Variants in FGGY observed in about 807,000 individuals in gnomAD.
FGGY encodes FGGY carbohydrate kinase domain-containing protein.
A neutral mutation model predicts 71.3 loss-of-function variants in FGGY; 72 were observed. The ratio of observed to expected loss-of-function variants is 1.01; its 90% CI spans 0.84 to 1.23. The LOEUF (loss-of-function observed/expected upper bound fraction) is 1.23, where lower values mean the gene tolerates loss of function less well. Among genes scored for constraint, FGGY ranks in the 50% most tolerant of loss-of-function variants. The pLI, the probability that FGGY is intolerant of heterozygous loss-of-function variation, is 0.00. For missense variants in FGGY, 668 were observed against 682.3 expected, an observed-to-expected ratio of 0.98 and a Z score of 0.23; for synonymous variants, 251 against 250.3, an observed-to-expected ratio of 1.00 and a Z score of -0.02.
At chr1:59,643,643 C>G (rs1176915938) in intron 11 of FGGY, among the ~76,000 whole-genome samples, 2 of 152,096 alleles carry the variant, frequency 1.3e-5, no homozygotes, top group African/African-American at 2.4e-5. Context: ...AGAATTAAAA[C>G]CTACATTGAA....
At position 59,650,360 on chromosome 1, in the gene FGGY, G is replaced by T. The variant is rs1316747645; in HGVS notation, c.1222-9859G>T. Among the ~76,000 whole-genome samples, 3 of 128,210 alleles carry T rather than the reference G, an allele frequency of 2.3e-5. 1 individual carries two copies. Among genetic ancestry groups the T allele is most frequent in the African/African-American group, 7.5e-5 (2 of 26,692 alleles). The allele number at this position is 128,210 out of a possible 152,430, so 84.1% of individuals were successfully genotyped here. A position where few individuals can be genotyped will look rare whatever the true frequency, so the allele number is the denominator to read the frequency against. On this transcript the variant is annotated intron_variant, in intron 11 of 15. Transcript: ENST00000303721. ...CTCTTTGTACCTCTGGTAGAATTTGGCTGTGAATCCGTCTGGTCCTGGACT... is the reference window on the plus strand; with the variant it reads ...CTCTTTGTACCTCTGGTAGAATTTGTCTGTGAATCCGTCTGGTCCTGGACT...
chr1:59,704,897 G>A (rs1260978064), intron 14 of FGGY, among the ~76,000 whole-genome samples: 1 of 152,142 alleles, frequency 6.6e-6, no homozygotes, highest in Admixed American at 6.5e-5. Context: ...TCGTATTCCT[G>A]CCAATGATGT....
At chr1:59,677,915 C>G (rs1222132081) in intron 14 of FGGY, among the ~76,000 whole-genome samples, 3 of 144,624 alleles carry the variant, frequency 2.1e-5, no homozygotes, top group African/African-American at 7.3e-5. Flanking sequence ...CATCTAAAGT[C>G]TTCTTACTAT....
At chr1:59,724,795 T>C (rs2097927609) in intron 14 of FGGY, among the ~76,000 whole-genome samples, 1 of 152,224 alleles carries the variant, frequency 6.6e-6, no homozygotes. Context: ...AATCACATGT[T>C]CATATATTTT....
At chr1:59,616,245 A>G (rs557478601) in intron 9 of FGGY, among the ~76,000 whole-genome samples, 1 of 152,240 alleles carries the variant, frequency 6.6e-6, no homozygotes, top group East Asian at 1.9e-4. Context: ...CAAACATCCA[A>G]CAATGATAGA....
intron 6 of FGGY, among the ~76,000 whole-genome samples, chr1:59,483,063 C>A (rs1044142302): frequency 6.6e-6 from 1 of 152,092 alleles, no homozygotes; most frequent in Non-Finnish European, 1.5e-5. Context: ...TGGTGGTTCC[C>A]AGCCACACTT....
In FGGY at chr1:59,369,109, G is replaced by T. The variant is rs1283688389; in HGVS notation, c.466-9640G>T. 4.6e-5 allele frequency among the ~76,000 whole-genome samples: 7 copies of T among 152,340 alleles called. No homozygotes were observed. The East Asian group carries it at 9.7e-4, about 21-fold the overall frequency. The stretch of plus-strand genomic sequence containing the variant: ...TGTGCGCAAGCCGAAGCAGGGCGAG[G>T]CATTGCCTCACTCGGAAAGCGCAAG... On this transcript the variant is annotated intron_variant, in intron 4 of 15. Coordinates refer to ENST00000303721, the MANE Select transcript of FGGY (RefSeq NM_018291.5).
In FGGY at chr1:59,584,466, A is replaced by G. The variant is rs192854540; in HGVS notation, c.904-23337A>G. 1.4e-3 allele frequency among the ~76,000 whole-genome samples: 211 copies of G among 150,210 alleles called. 18 individuals carry two copies. Among genetic ancestry groups the G allele is most frequent in the African/African-American group, 5.1e-3 (203 of 39,870 alleles). ...CAGAAAAGGCCTTTGACAAAATTCA[A>G]CAACGCTTCATGCTAAAAACTCTCA... On this transcript the variant is annotated intron_variant, in intron 8 of 15. Coordinates refer to ENST00000303721, the MANE Select transcript of FGGY (RefSeq NM_018291.5).
intron 8 of FGGY, among the ~76,000 whole-genome samples, chr1:59,578,337 C>A (rs2096121901): frequency 6.6e-6 from 1 of 152,022 alleles, no homozygotes; most frequent in Non-Finnish European, 1.5e-5. Flanking sequence ...AGGCACCACA[C>A]CCTGAGGACA....
Position 59,544,300 on chromosome 1 carries a change from T to C in FGGY, c.800-9824T>C, listed in dbSNP as rs1244449951. ...AAGAGTAGACAGACATGGAAAAATA[T>C]GATAGGGCAAGAAGGGCATGATTTA... On this transcript the variant is annotated intron_variant, in intron 7 of 15. Coordinates refer to ENST00000303721, the MANE Select transcript of FGGY (RefSeq NM_018291.5). Among the ~76,000 whole-genome samples the C allele has an allele frequency of 2.0e-5, 3 of 152,138 alleles. No individual in the cohort carries two copies. In the East Asian group the frequency reaches 5.8e-4, roughly 29 times the overall value.
chr1:59,473,878 C>G (rs186471653), intron 6 of FGGY, among the ~76,000 whole-genome samples: 2 of 152,132 alleles, frequency 1.3e-5, no homozygotes, highest in Admixed American at 1.3e-4. Context: ...AGGTGGCAAG[C>G]CCATTTCTTT....
intron 6 of FGGY, among the ~76,000 whole-genome samples, chr1:59,490,955 T>G (rs1019014313): frequency 1.3e-5 from 2 of 151,310 alleles, no homozygotes; most frequent in Non-Finnish European, 2.9e-5. Flanking sequence ...CTTTGAAGTC[T>G]GAAAATGTGA....
intron 9 of FGGY, among the ~76,000 whole-genome samples, chr1:59,610,130 T>C (rs2096660469): frequency 1.3e-5 from 2 of 152,218 alleles, no homozygotes; most frequent in South Asian, 2.1e-4. Context: ...GTTTGTTACA[T>C]AGGAATATGT....
chr1:59,461,794 TG>T (rs1413224410), intron 6 of FGGY, among the ~76,000 whole-genome samples: 1 of 143,866 alleles, frequency 7.0e-6, no homozygotes, highest in Non-Finnish European at 1.5e-5. Context: ...TGTTTTGTTT[TG>T]TTTTTTATTT....
At chr1:59,491,238 C>CT (rs2093851981) in intron 6 of FGGY, among the ~76,000 whole-genome samples, 2 of 148,948 alleles carry the variant, frequency 1.3e-5, no homozygotes, top group South Asian at 2.1e-4. Context: ...AATTTTAAGG[C>CT]TTTTTTCTAT....
chr1:59,352,205 A>T (rs537947894), intron 4 of FGGY, among the ~76,000 whole-genome samples: 311 of 152,280 alleles, frequency 2.0e-3, no homozygotes, highest in Non-Finnish European at 2.5e-3. Flanking sequence ...TATCTTTATA[A>T]ACATGAAACA....
chr1:59,486,430 G>A (rs1177253881), intron 6 of FGGY, among the ~76,000 whole-genome samples: 1 of 152,152 alleles, frequency 6.6e-6, no homozygotes, highest in East Asian at 1.9e-4. Flanking sequence ...AGGATTCAGG[G>A]ACACATGGTG....
At chr1:59,561,190 G>C (rs889745178) in intron 8 of FGGY, among the ~76,000 whole-genome samples, 37 of 152,292 alleles carry the variant, frequency 2.4e-4, no homozygotes, top group African/African-American at 7.9e-4. Context: ...GGTGGAGTGG[G>C]ATGGGATTCC....
At chr1:59,746,052 G>T (rs945220478) in intron 14 of FGGY, among the ~76,000 whole-genome samples, 1 of 152,142 alleles carries the variant, frequency 6.6e-6, no homozygotes, top group East Asian at 1.9e-4. Context: ...ACATTGGATG[G>T]GTCTTATGAG....
Sources: gnomAD v4.1 joint callset for allele counts (sites outside exome capture counted in the v4.1 genomes callset) on GRCh38, gnomAD v4.1.1 for gene constraint, MANE v1.5 for transcripts, NCBI Gene and HGNC (gene_info 2026-07-23, HGNC 2026-07-21) for gene names.